Variants in NDST3 observed in about 807,000 individuals in gnomAD.
The protein encoded by NDST3 is bifunctional heparan sulfate N-deacetylase/N-sulfotransferase 3.
A neutral mutation model predicts 96.1 loss-of-function variants in NDST3; 58 were observed. The observed-to-expected ratio is 0.60, with a 90% CI of 0.49 to 0.75. The LOEUF is 0.75. Ranked by LOEUF, NDST3 falls within the 30% of genes least tolerant of loss-of-function variation. The probability of loss-of-function intolerance (pLI) is 0.00; values close to 1 mark genes in which losing one functional copy is unlikely to be tolerated. For synonymous variants in NDST3, 333 were observed against 359.7 expected (o/e 0.93, Z 0.84); for missense variants, 788 against 1,034.2 (o/e 0.76, Z 3.27).
intron 6 of NDST3, among the ~76,000 whole-genome samples, chr4:118,147,462 T>C (rs1417934151): frequency 2.0e-5 from 3 of 152,238 alleles, no homozygotes; most frequent in African/African-American, 7.2e-5. Context: ...AGTACTCATA[T>C]ATATTTTCAA....
intron 6 of NDST3, among the ~76,000 whole-genome samples, chr4:118,201,916 G>C (rs1282004650): frequency 6.6e-6 from 1 of 152,196 alleles, no homozygotes. Context: ...TTTACAGTTT[G>C]AGGACCTTCA....
At position 118,160,602 on chromosome 4, in the gene NDST3, C is replaced by T. The variant is rs571068714; in HGVS notation, c.1539+16918C>T. ...CACTGATCATTAGAAAAATGTAAAT[C>T]GCTTCATTTCATTCATTTCATCTTC... On this transcript the variant is annotated intron_variant, in intron 6 of 13. Transcript: ENST00000296499. 2.6e-3 allele frequency among the ~76,000 whole-genome samples: 395 copies of T among 152,234 alleles called. 1 individual carries two copies. Among genetic ancestry groups the T allele is most frequent in the African/African-American group, 8.7e-3 (360 of 41,540 alleles).
At chr4:118,161,183 C>T (rs567741190) in intron 6 of NDST3, among the ~76,000 whole-genome samples, 61 of 152,330 alleles carry the variant, frequency 4.0e-4, no homozygotes, top group African/African-American at 1.3e-3. Context: ...TGCAGAACAG[C>T]AGATTTTCGT....
At position 118,244,245 on chromosome 4, in the gene NDST3, T is replaced by C. The variant is rs559999325; in HGVS notation, c.2399+2096T>C. Among the ~76,000 whole-genome samples, 14 of 152,374 alleles carry C rather than the reference T, an allele frequency of 9.2e-5. No homozygotes were observed. In the South Asian group the frequency reaches 2.9e-3, roughly 32 times the overall value. On this transcript the variant is annotated intron_variant, in intron 12 of 13. Coordinates refer to ENST00000296499, the MANE Select transcript of NDST3 (RefSeq NM_004784.3). ...TCTAAATTGATCATCCTTCACCCTA[T>C]GCCCTTTGTAGTTGTTTATCTGAAA...
chr4:118,083,575 T>C (rs1274236967), intron 2 of NDST3, among the ~76,000 whole-genome samples: 4 of 152,174 alleles, frequency 2.6e-5, no homozygotes, highest in African/African-American at 9.6e-5. Flanking sequence ...CTTCCAAATG[T>C]ACCTTGGGAG....
At chr4:118,148,922 G>C (rs934519385) in intron 6 of NDST3, among the ~76,000 whole-genome samples, 1 of 152,032 alleles carries the variant, frequency 6.6e-6, no homozygotes, top group Non-Finnish European at 1.5e-5. Context: ...ATCTTGAATT[G>C]ATTTTTGTAT....
chr4:118,162,943 C>T (rs1209362000), intron 6 of NDST3, among the ~76,000 whole-genome samples: 1 of 147,494 alleles, frequency 6.8e-6, no homozygotes, highest in African/African-American at 2.5e-5. Context: ...GGGCAAAGGA[C>T]ATGAACAGAC....
chr4:118,142,396 C>T (rs1733634299), intron 5 of NDST3, among the ~76,000 whole-genome samples: 1 of 151,500 alleles, frequency 6.6e-6, no homozygotes, highest in Non-Finnish European at 1.5e-5. Context: ...TTATATAATA[C>T]TATCCAAGGG....
intron 2 of NDST3, among the ~76,000 whole-genome samples, chr4:118,059,642 C>T (rs1725735184): frequency 1.6e-5 from 1 of 64,038 alleles, no homozygotes. Flanking sequence ...GAATATTCAC[C>T]ACCCCAGCTA....
intron 6 of NDST3, chr4:118,193,570 A>C: frequency 9.0e-7 from 1 of 1,106,916 alleles, no homozygotes; most frequent in Non-Finnish European, 1.4e-6. Context: ...TCTCCCAGGC[A>C]AGCTGCCTGC....
rs569003936 is a variant in NDST3 at position 118,112,066 on chromosome 4, TA to T, written c.1070-2738del. Among the ~76,000 whole-genome samples, 33 of 151,926 alleles carry T rather than the reference TA, an allele frequency of 2.2e-4. No homozygotes were observed. The Middle Eastern group carries it at 0.01, about 47-fold the overall frequency. On this transcript the variant is annotated intron_variant, in intron 3 of 13. Coordinates refer to ENST00000296499, the MANE Select transcript of NDST3 (RefSeq NM_004784.3). Reference sequence around the variant, plus strand: ...CAAAGTAGGATTAAAAGAAATCAGATAAGACAAATCTATAAAGAGAAGACAT... The same window carrying T: ...CAAAGTAGGATTAAAAGAAATCAGATAGACAAATCTATAAAGAGAAGACAT...
chr4:118,110,263 T>C (rs1730531835), intron 3 of NDST3, among the ~76,000 whole-genome samples: 1 of 152,224 alleles, frequency 6.6e-6, no homozygotes, highest in African/African-American at 2.4e-5. Context: ...AGCAATGTTA[T>C]ATTGAATGAA....
chr4:118,227,547 G>C (rs1739969529), intron 8 of NDST3, among the ~76,000 whole-genome samples: 1 of 150,334 alleles, frequency 6.7e-6, no homozygotes, highest in Admixed American at 6.6e-5. Flanking sequence ...GAAATCTTTT[G>C]CACCTTTTCT....
intron 2 of NDST3, among the ~76,000 whole-genome samples, chr4:118,104,103 C>T (rs1729975545): frequency 6.6e-6 from 1 of 152,066 alleles, no homozygotes; most frequent in Admixed American, 6.5e-5. Context: ...TAGTTGTGGG[C>T]CCAACTGTAT....
chr4:118,204,524 A>C (rs950450205), intron 6 of NDST3, among the ~76,000 whole-genome samples: 1 of 144,590 alleles, frequency 6.9e-6, no homozygotes, highest in African/African-American at 2.6e-5. Flanking sequence ...TTATTTGAAC[A>C]TGTTTTGAAC....
rs149487322 is a variant in NDST3 at position 118,097,081 on chromosome 4, G to A, written c.982-7937G>A. 3.0e-4 allele frequency among the ~76,000 whole-genome samples: 46 copies of A among 152,062 alleles called. No individual in the cohort carries two copies. The East Asian group carries it at 7.0e-3, about 23-fold the overall frequency. ...TAGAGAAGGCAATCTGCTTTACTCA[G>A]TCTACTAATTGAATGTTAGTCTCAT... On this transcript the variant is annotated intron_variant, in intron 2 of 13. Coordinates refer to ENST00000296499, the MANE Select transcript of NDST3 (RefSeq NM_004784.3).
At chr4:118,115,279 T>C (rs1480230004) in intron 4 of NDST3, among the ~76,000 whole-genome samples, 1 of 152,196 alleles carries the variant, frequency 6.6e-6, no homozygotes, top group Non-Finnish European at 1.5e-5. Context: ...GAAATATGCA[T>C]GTTAAACAAT....
At chr4:118,053,382 C>G (rs1209830941) in intron 1 of NDST3, among the ~76,000 whole-genome samples, 1 of 151,858 alleles carries the variant, frequency 6.6e-6, no homozygotes, top group Non-Finnish European at 1.5e-5. Context: ...TAAAAACAAA[C>G]AGCTTGAGTA....
In NDST3 at chr4:118,054,552, T is replaced by C. The variant is rs1489646759; in HGVS notation, c.642T>C (p.Ser214=). ...AATCTTCCAAGCTTGAAAAAGGTTC[T>C]TTACCTGGAACTGACTGGACAGTTT... The part of the protein sequence containing the change: ...VTKSSKLEKG[S]LPGTDWTVFQ... Residue 214 remains serine (S), a synonymous_variant, in exon 2 of 14, where the codon TCT becomes TCC. Transcript: ENST00000296499. 6.2e-7 allele frequency: 1 copy of C among 1,613,380 alleles called. No homozygotes were observed. The highest frequency in any genetic ancestry group is 1.1e-5 in the South Asian group (1 of 91,062).
Sources: allele counts gnomAD v4.1 joint callset (sites outside exome capture counted in the v4.1 genomes callset), GRCh38; gene constraint gnomAD v4.1.1; transcripts MANE v1.5; gene names NCBI Gene and HGNC (gene_info 2026-07-23, HGNC 2026-07-21).